The following SEMA3C variants were observed in gnomAD, a reference collection of about 807,000 sequenced individuals.
SEMA3C encodes semaphorin 3C.
Under a neutral mutation model 89.4 loss-of-function variants are expected in SEMA3C, and 47 were observed. The observed-to-expected ratio is 0.53, with a 90% CI of 0.42 to 0.67. The LOEUF (loss-of-function observed/expected upper bound fraction) is 0.67. SEMA3C is among the 30% of genes least tolerant of loss of function. The pLI is 0.00. For missense variants in SEMA3C, 839 were observed against 929.1 expected, an observed-to-expected ratio of 0.90 and a Z score of 1.26; for synonymous variants, 310 against 320.2, an observed-to-expected ratio of 0.97 and a Z score of 0.34.
intron 12 of SEMA3C, among the ~76,000 whole-genome samples, chr7:80,775,750 G>C (rs1248291299): frequency 6.6e-6 from 1 of 151,966 alleles, no homozygotes; most frequent in Non-Finnish European, 1.5e-5. Flanking sequence ...TTATTATAGG[G>C]TGTGGTCCAA....
intron 2 of SEMA3C, among the ~76,000 whole-genome samples, chr7:80,840,265 A>T (rs1212032612): frequency 6.6e-6 from 1 of 152,074 alleles, no homozygotes; most frequent in Non-Finnish European, 1.5e-5. Flanking sequence ...CATGCCTGTA[A>T]TCCGAACATT....
At chr7:80,906,659 A>C (rs969006075) in intron 2 of SEMA3C, among the ~76,000 whole-genome samples, 4 of 152,222 alleles carry the variant, frequency 2.6e-5, no homozygotes, top group African/African-American at 9.6e-5. Context: ...ATGCGTATTA[A>C]AAGTGTTGAA....
intron 2 of SEMA3C, among the ~76,000 whole-genome samples, chr7:80,872,034 T>C (rs1168917616): frequency 1.3e-5 from 2 of 152,230 alleles, no homozygotes; most frequent in African/African-American, 2.4e-5. Context: ...GCATGATAAT[T>C]TGACTGCATG....
chr7:80,877,406 C>T (rs758288392), intron 2 of SEMA3C, among the ~76,000 whole-genome samples: 15 of 152,112 alleles, frequency 9.9e-5, no homozygotes, highest in Non-Finnish European at 1.9e-4. Context: ...CCTTTAACTG[C>T]CAAGCTCTTT....
intron 12 of SEMA3C, among the ~76,000 whole-genome samples, chr7:80,765,497 GGAAA>G (rs1788278029): frequency 6.6e-6 from 1 of 152,092 alleles, no homozygotes; most frequent in Admixed American, 6.6e-5. Flanking sequence ...TATGAGAGAA[GGAAA>G]GAATGTTAAG....
At chr7:80,848,604 T>G (rs1790442423) in intron 2 of SEMA3C, among the ~76,000 whole-genome samples, 1 of 152,186 alleles carries the variant, frequency 6.6e-6, no homozygotes. Flanking sequence ...GATAAAACAA[T>G]TATTAGTCCC....
At chr7:80,854,571 G>T (rs1312943340) in intron 2 of SEMA3C, among the ~76,000 whole-genome samples, 1 of 152,150 alleles carries the variant, frequency 6.6e-6, no homozygotes, top group Non-Finnish European at 1.5e-5. Flanking sequence ...TAATTATTGT[G>T]AGAGTCACCT....
At chr7:80,921,033 T>C (rs560471568), upstream of SEMA3C, among the ~76,000 whole-genome samples, 4 of 152,180 alleles carry the variant, frequency 2.6e-5, no homozygotes, top group Admixed American at 6.5e-5. Flanking sequence ...CATTTTAAGT[T>C]TGAGAAAACC....
intron 2 of SEMA3C, among the ~76,000 whole-genome samples, chr7:80,868,282 T>C (rs966975861): frequency 2.6e-5 from 4 of 152,166 alleles, no homozygotes; most frequent in Admixed American, 1.3e-4. Context: ...CATTATTTTT[T>C]TCTGAGACAA....
chr7:80,828,946 T>G (rs925014659), intron 2 of SEMA3C, among the ~76,000 whole-genome samples: 1 of 152,194 alleles, frequency 6.6e-6, no homozygotes, highest in Non-Finnish European at 1.5e-5. Flanking sequence ...GATGGTCACC[T>G]GAAGCCAGGG....
At chr7:80,793,123 A>G (rs756526724) in intron 11 of SEMA3C, among the ~76,000 whole-genome samples, 3 of 152,178 alleles carry the variant, frequency 2.0e-5, no homozygotes, top group Non-Finnish European at 4.4e-5. Flanking sequence ...GTTTTTCCTC[A>G]GTTCTTCCAG....
chr7:80,852,968 G>A (rs955512951), intron 2 of SEMA3C, among the ~76,000 whole-genome samples: 10 of 152,066 alleles, frequency 6.6e-5, no homozygotes, highest in Middle Eastern at 3.2e-3. Flanking sequence ...ATGAGCCACC[G>A]TGCCTGGACT....
At chr7:80,788,780 T>C (rs17275889) in intron 12 of SEMA3C, among the ~76,000 whole-genome samples, 23,302 of 152,220 alleles carry the variant, frequency 0.15, 2,067 homozygotes, top group Non-Finnish European at 0.2. Context: ...TCATTATCCT[T>C]AGAAAATGGC....
chr7:80,790,307 AAAAAAGGAGGAGGAGGAGG>A (rs1788906072), intron 11 of SEMA3C, among the ~76,000 whole-genome samples: 1 of 151,862 alleles, frequency 6.6e-6, no homozygotes, highest in Non-Finnish European at 1.5e-5. Flanking sequence ...AGAAGAAGAG[AAAAAAGGAGGAGGAGGAGG>A]AGAAAGGAGG....
At chr7:80,747,956 T>A in intron 17 of SEMA3C, among the ~76,000 whole-genome samples, 1 of 152,114 alleles carries the variant, frequency 6.6e-6, no homozygotes, top group East Asian at 1.9e-4. Flanking sequence ...GAAACCAACA[T>A]TTATTTCCGT....
At chr7:80,890,704 T>C (rs1791591141) in intron 2 of SEMA3C, among the ~76,000 whole-genome samples, 2 of 152,288 alleles carry the variant, frequency 1.3e-5, no homozygotes, top group Admixed American at 6.5e-5. Flanking sequence ...GTCAGAGAAA[T>C]AGTCCTACAA....
chr7:80,857,098 AT>A (rs1250491519), intron 2 of SEMA3C, among the ~76,000 whole-genome samples: 4 of 152,050 alleles, frequency 2.6e-5, no homozygotes, highest in Non-Finnish European at 5.9e-5. Flanking sequence ...ACCAATATCT[AT>A]TTTTTAAAAG....
At chr7:80,916,442 A>G (rs1321046894) in intron 2 of SEMA3C, among the ~76,000 whole-genome samples, 1 of 152,196 alleles carries the variant, frequency 6.6e-6, no homozygotes, top group Non-Finnish European at 1.5e-5. Context: ...CAGAAGAATT[A>G]TTTTACAAAA....
At chr7:80,823,469 A>C (rs1351522935) in intron 4 of SEMA3C, among the ~76,000 whole-genome samples, 2 of 152,152 alleles carry the variant, frequency 1.3e-5, no homozygotes, top group Non-Finnish European at 2.9e-5. Flanking sequence ...TGTTTAAAAA[A>C]TATATCCTGG....
Sources: allele counts gnomAD v4.1 joint callset (sites outside exome capture counted in the v4.1 genomes callset), GRCh38; gene constraint gnomAD v4.1.1; transcripts MANE v1.5; gene names NCBI Gene and HGNC (gene_info 2026-07-23, HGNC 2026-07-21).